Variants in ADAM12 observed in about 807,000 individuals in gnomAD.
ADAM12 encodes disintegrin and metalloproteinase domain-containing protein 12.
A neutral mutation model predicts 106.4 loss-of-function variants in ADAM12; 70 were observed. That is an observed-to-expected ratio of 0.66 (90% CI 0.54 to 0.80). ADAM12 has a LOEUF of 0.80. Ranked by LOEUF, ADAM12 falls within the 30% of genes least tolerant of loss-of-function variation. The pLI, the probability that ADAM12 is intolerant of heterozygous loss-of-function variation, is 0.00. For missense variants in ADAM12, 1,010 were observed against 1,171.9 expected (o/e 0.86, Z 2.02); for synonymous variants, 420 against 433.5 (o/e 0.97, Z 0.39).
chr10:126,042,997 G>T (rs375903065), intron 18 of ADAM12, 43 bp downstream of exon 18: 11 of 1,591,892 alleles, frequency 6.9e-6, no homozygotes, highest in Non-Finnish European at 9.4e-6. Context: ...CCCGCCCCCA[G>T]GTGCTCAGCC....
intron 4 of ADAM12, among the ~76,000 whole-genome samples, chr10:126,144,734 A>C (rs1956593652): frequency 6.6e-6 from 1 of 152,228 alleles, no homozygotes; most frequent in African/African-American, 2.4e-5. Context: ...ATCTGTTCTC[A>C]GAATCTACAA....
At chr10:126,358,110 T>G (rs1590821633) in intron 1 of ADAM12, among the ~76,000 whole-genome samples, 3 of 143,934 alleles carry the variant, frequency 2.1e-5, no homozygotes, top group South Asian at 4.4e-4. Context: ...CCCCGGGGGG[T>G]GGAACCTGCA....
At chr10:126,306,372 T>A (rs1019326005) in intron 2 of ADAM12, among the ~76,000 whole-genome samples, 1 of 152,098 alleles carries the variant, frequency 6.6e-6, no homozygotes, top group African/African-American at 2.4e-5. Flanking sequence ...CTTTGTGCTA[T>A]TCATAGTTTA....
At chr10:126,051,433 T>TCGTCCATCCAGCCAGCCACCCAGCCACC (rs1332599557) in intron 14 of ADAM12, among the ~76,000 whole-genome samples, 201 of 150,132 alleles carry the variant, frequency 1.3e-3, no homozygotes, top group Non-Finnish European at 2.3e-3. Flanking sequence ...ATCCATCCAC[T>TCGTCCATCCAGCCAGCCACCCAGCCACC]CGTCCATCCA....
chr10:126,184,213 T>C (rs932715613), intron 3 of ADAM12, among the ~76,000 whole-genome samples: 17 of 152,202 alleles, frequency 1.1e-4, no homozygotes, highest in African/African-American at 3.9e-4. Flanking sequence ...CATATCAGAA[T>C]TGAAATACCA....
At chr10:126,252,454 G>C (rs918038921) in intron 3 of ADAM12, among the ~76,000 whole-genome samples, 4 of 152,210 alleles carry the variant, frequency 2.6e-5, no homozygotes, top group Admixed American at 2.0e-4. Context: ...CGAACACCAA[G>C]GGAGCTGATG....
At chr10:126,179,818 A>G (rs1294918969) in intron 3 of ADAM12, among the ~76,000 whole-genome samples, 2 of 152,132 alleles carry the variant, frequency 1.3e-5, no homozygotes, top group Admixed American at 6.6e-5. Context: ...ATGGCATGCA[A>G]GGTTGAAAGA....
chr10:126,320,907 T>C (rs1225760451), intron 2 of ADAM12, among the ~76,000 whole-genome samples: 1 of 152,226 alleles, frequency 6.6e-6, no homozygotes, highest in Non-Finnish European at 1.5e-5. Flanking sequence ...TGTAATGTCT[T>C]TGCAATTTTT....
rs368175192 is a variant in ADAM12, at chr10:126,327,619, A to AAAAT, written c.186+2789_186+2792dup. Among the ~76,000 whole-genome samples, 499 of 150,846 alleles carry AAAAT rather than the reference A, an allele frequency of 3.3e-3. 6 individuals are homozygous for AAAAT. Among genetic ancestry groups the AAAAT allele is most frequent in the African/African-American group, 0.012 (473 of 41,062 alleles). On this transcript the variant is annotated intron_variant, in intron 2 of 22. Transcript: ENST00000448723. ...CCCTCCCCACCCCCTCATCTCTACC[A>AAAAT]AAATAAATAAATAAATAATAATACG...
chr10:126,385,187 C>T (rs61863902), intron 1 of ADAM12, among the ~76,000 whole-genome samples: 10,718 of 152,222 alleles, frequency 0.07, 412 homozygotes, highest in Middle Eastern at 0.13. Context: ...TCTCTAGATA[C>T]GCCACCCTCC....
At chr10:126,178,812 C>T (rs780254674) in intron 3 of ADAM12, among the ~76,000 whole-genome samples, 1 of 151,992 alleles carries the variant, frequency 6.6e-6, no homozygotes, top group Admixed American at 6.6e-5. Flanking sequence ...TTTAGGAGGC[C>T]GAGGTGGGTG....
At chr10:126,081,639 T>C (rs1383471030) in intron 11 of ADAM12, among the ~76,000 whole-genome samples, 1 of 152,232 alleles carries the variant, frequency 6.6e-6, no homozygotes, top group Non-Finnish European at 1.5e-5. Context: ...AGCCTATCTG[T>C]ACTTCATTGA....
At chr10:126,092,340 C>G (rs1281559485) in intron 11 of ADAM12, among the ~76,000 whole-genome samples, 1 of 152,172 alleles carries the variant, frequency 6.6e-6, no homozygotes, top group Non-Finnish European at 1.5e-5. Context: ...AACTCACTGT[C>G]TGAAAGTCAC....
chr10:126,021,272 T>C (rs1346424712), intron 21 of ADAM12, among the ~76,000 whole-genome samples: 1 of 152,196 alleles, frequency 6.6e-6, no homozygotes, highest in Admixed American at 6.5e-5. Context: ...TTCACCATCA[T>C]AGGACCCAGT....
intron 2 of ADAM12, among the ~76,000 whole-genome samples, chr10:126,309,756 T>G (rs1233862929): frequency 1.3e-5 from 2 of 152,132 alleles, no homozygotes; most frequent in Non-Finnish European, 2.9e-5. Context: ...TTAGAGAGAA[T>G]AGTTAAATAA....
At chr10:126,126,887 G>A (rs1956215202) in intron 5 of ADAM12, among the ~76,000 whole-genome samples, 2 of 152,104 alleles carry the variant, frequency 1.3e-5, no homozygotes, top group African/African-American at 4.8e-5. Flanking sequence ...AAGAGGTCAG[G>A]TGGAGAGCCA....
At chr10:126,106,521 C>G (rs1955772906) in intron 8 of ADAM12, among the ~76,000 whole-genome samples, 2 of 141,206 alleles carry the variant, frequency 1.4e-5, no homozygotes, top group East Asian at 4.1e-4. Context: ...GAGTCTCGCT[C>G]TGTCACCAGG....
intron 1 of ADAM12, among the ~76,000 whole-genome samples, chr10:126,358,747 A>G (rs954213873): frequency 1.3e-5 from 2 of 152,230 alleles, no homozygotes; most frequent in African/African-American, 4.8e-5. Context: ...AAAAAATTCT[A>G]AAGATTCTCT....
At chr10:126,255,583 A>G (rs1374541408) in intron 3 of ADAM12, among the ~76,000 whole-genome samples, 1 of 152,240 alleles carries the variant, frequency 6.6e-6, no homozygotes, top group Non-Finnish European at 1.5e-5. Context: ...TGATTTTTAA[A>G]TCCTAGCATT....
Sources: allele counts gnomAD v4.1 joint callset (sites outside exome capture counted in the v4.1 genomes callset), GRCh38; gene constraint gnomAD v4.1.1; transcripts MANE v1.5; gene names NCBI Gene and HGNC (gene_info 2026-07-23, HGNC 2026-07-21).